Variants in CAPN5 observed in about 807,000 individuals in gnomAD.
The protein encoded by CAPN5 is calpain-5.
A neutral mutation model predicts 73.0 loss-of-function variants in CAPN5; 54 were observed. That is an observed-to-expected ratio of 0.74 (90% CI 0.59 to 0.93). The LOEUF (loss-of-function observed/expected upper bound fraction) is 0.93, where lower values mean the gene tolerates loss of function less well. Among genes scored for constraint, CAPN5 ranks in the 40% least tolerant of loss-of-function variants. The pLI is 0.00. For missense variants in CAPN5, 785 were observed against 882.9 expected (o/e 0.89, Z 1.41); for synonymous variants, 335 against 356.9 (o/e 0.94, Z 0.69).
intron 1 of CAPN5, among the ~76,000 whole-genome samples, chr11:77,073,981 C>T (rs1192067964): frequency 3.9e-5 from 6 of 152,172 alleles, no homozygotes; most frequent in African/African-American, 9.7e-5. Context: ...CCTCAGCACA[C>T]AGTGCGTCAG....
chr11:77,093,550 C>T (rs1591124157), intron 2 of CAPN5, 132 bp from the exon 3 acceptor site: 1 of 1,366,614 alleles, frequency 7.3e-7, no homozygotes. Flanking sequence ...TGGTGGGAGG[C>T]AGGTGAATCA....
At chr11:77,087,873 C>T in intron 2 of CAPN5, 1 of 1,532,862 alleles carries the variant, frequency 6.5e-7, no homozygotes, top group Non-Finnish European at 8.7e-7. Context: ...CTCTTGGGTG[C>T]CGACCTGGGC....
chr11:77,082,563 G>T (rs1555034787), intron 1 of CAPN5, among the ~76,000 whole-genome samples: 2 of 152,090 alleles, frequency 1.3e-5, no homozygotes, highest in African/African-American at 4.8e-5. Flanking sequence ...CTGTGCAAGG[G>T]CCGGGGCCAG....
chr11:77,086,995 C>T (rs372068953), intron 2 of CAPN5, among the ~76,000 whole-genome samples: 94 of 152,302 alleles, frequency 6.2e-4, no homozygotes, highest in African/African-American at 2.1e-3. Context: ...CACTTGGTGC[C>T]CTGCCCTTTC....
At chr11:77,094,143 C>T (rs1950184509) in intron 3 of CAPN5, among the ~76,000 whole-genome samples, 1 of 152,230 alleles carries the variant, frequency 6.6e-6, no homozygotes, top group Non-Finnish European at 1.5e-5. Context: ...TGTGCAGACA[C>T]CACTGATGGG....
intron 1 of CAPN5, among the ~76,000 whole-genome samples, chr11:77,075,078 T>A (rs1342592930): frequency 6.6e-6 from 1 of 152,148 alleles, no homozygotes; most frequent in African/African-American, 2.4e-5. Flanking sequence ...ACCAAGTCCC[T>A]CCGCTGCTCA....
At chr11:77,071,281 C>T (rs1949903693) in intron 1 of CAPN5, among the ~76,000 whole-genome samples, 1 of 152,238 alleles carries the variant, frequency 6.6e-6, no homozygotes, top group Non-Finnish European at 1.5e-5. Context: ...GCAGCCTGAG[C>T]CCCTGGTAGC....
rs782166327 is a variant in CAPN5, at chr11:77,112,707, G to A, written c.416G>A (p.Arg139Gln). Reference protein sequence around the residue: ...GEWVDVVIDDRLPTVNNQLIY... With the variant: ...GEWVDVVIDDQLPTVNNQLIY... Reference sequence around the variant, plus strand: ...TGGGTGGACGTGGTCATCGATGACCGGCTGCCCACAGTCAACAACCAGCTC... The same window carrying A: ...TGGGTGGACGTGGTCATCGATGACCAGCTGCCCACAGTCAACAACCAGCTC... Residue 139 changes from arginine (R) to glutamine (Q), a missense_variant, in exon 4 of 13, where the codon CGG becomes CAG. By Grantham distance (43) the Arg-to-Gln change is conservative. Transcript: ENST00000648180. 1.4e-5 allele frequency: 22 copies of A among 1,614,224 alleles called. No homozygotes were observed. Among genetic ancestry groups the A allele is most frequent in the East Asian group, 8.9e-5 (4 of 44,886 alleles).
intron 3 of CAPN5, among the ~76,000 whole-genome samples, chr11:77,099,502 C>T (rs1555038314): frequency 6.6e-6 from 1 of 150,644 alleles, no homozygotes; most frequent in African/African-American, 2.4e-5. Context: ...CCAAGGCTGG[C>T]GGATCACTCG....
At position 77,067,047 on chromosome 11, in the gene CAPN5, C is replaced by G. The variant is rs1949848836; in HGVS notation, c.-83C>G. On this transcript the variant is annotated 5_prime_UTR_variant, in exon 1 of 13. Transcript: ENST00000648180. ...GCAGCCTCCGCTCCAGCGCCCGCGC[C>G]GTGCCCTGCATCCCGGGAGCCCGGC... is the stretch of plus-strand genomic sequence containing the variant. 1 of 152,236 alleles carries G rather than the reference C, an allele frequency of 6.6e-6. No individual in the cohort carries two copies. 9.4% of individuals were successfully genotyped at this position (152,236 alleles called of 1,614,324 possible).
At position 77,093,832 on chromosome 11, in the gene CAPN5, T is replaced by C. The variant is rs782339325; in HGVS notation, c.297+19T>C. ...GCAAAAGGTGAGGCCTCGGGCAGAG[T>C]GGGCAGGGTGCTGGGGAGTGTGAAC... is the stretch of plus-strand genomic sequence containing the variant. On this transcript the variant is annotated intron_variant, in intron 3 of 12. Transcript: ENST00000648180. 2 of 1,606,360 alleles carry C rather than the reference T, an allele frequency of 1.2e-6. No individual in the cohort carries two copies. Among genetic ancestry groups the C allele is most frequent in the East Asian group, 2.2e-5 (1 of 44,856 alleles).
chr11:77,112,807 AGCAGCAGGCAGGTGG>A lies in CAPN5; in HGVS notation c.506+12_506+26del. 6.2e-7 allele frequency: 1 copy of A among 1,613,746 alleles called. No individual in the cohort carries two copies. The highest frequency in any genetic ancestry group is 8.5e-7 in the Non-Finnish European group (1 of 1,179,750). On this transcript the variant is annotated intron_variant, in intron 4 of 12. Coordinates refer to ENST00000648180, the MANE Select transcript of CAPN5 (RefSeq NM_004055.5). ...AGAAGGCCTATGCCAAGTAGGTGCC[AGCAGCAGGCAGGTGG>A]GTGGGAGGCCCAGACGGGGGTGGCA...
intron 3 of CAPN5, chr11:77,102,988 A>G (rs1591133846): frequency 6.2e-7 from 1 of 1,613,400 alleles, no homozygotes; most frequent in Non-Finnish European, 8.5e-7. Flanking sequence ...CAGCCAGCGG[A>G]GTCTGTGTAC....
chr11:77,100,769 C>G (rs372371057), intron 3 of CAPN5, among the ~76,000 whole-genome samples: 17 of 152,184 alleles, frequency 1.1e-4, no homozygotes, highest in African/African-American at 3.9e-4. Context: ...CCATTCTACC[C>G]CAAGAACTGC....
At chr11:77,071,665 C>G in intron 1 of CAPN5, 1 of 453,668 alleles carries the variant, frequency 2.2e-6, no homozygotes, top group Non-Finnish European at 4.5e-6. Context: ...TGGCCTCAGT[C>G]TCCCCATCTG....
intron 3 of CAPN5, among the ~76,000 whole-genome samples, chr11:77,094,720 A>T (rs1234832908): frequency 6.6e-6 from 1 of 152,164 alleles, no homozygotes; most frequent in African/African-American, 2.4e-5. Flanking sequence ...CAGGTTACTC[A>T]TCAGCAAAAT....
rs142466512 is a variant in CAPN5 at position 77,071,864 on chromosome 11, G to C, written c.-36+4770G>C. Reference sequence around the variant, plus strand: ...GAGACATGGTCTGCCATTGCAGGAGGGGGTAAGCCCTCTGGCGCCTCAGGA... The same window carrying C: ...GAGACATGGTCTGCCATTGCAGGAGCGGGTAAGCCCTCTGGCGCCTCAGGA... On this transcript the variant is annotated intron_variant, in intron 1 of 12. Coordinates refer to ENST00000648180, the MANE Select transcript of CAPN5 (RefSeq NM_004055.5). 3.0e-4 allele frequency among the ~76,000 whole-genome samples: 46 copies of C among 152,298 alleles called. No homozygotes were observed. The East Asian group carries it at 7.3e-3, about 24-fold the overall frequency.
At chr11:77,114,522 G>A in intron 5 of CAPN5, 88 bp downstream of exon 5, 1 of 1,243,214 alleles carries the variant, frequency 8.0e-7, no homozygotes, top group Non-Finnish European at 1.2e-6. Context: ...CCACGCTCAG[G>A]TCAGCTCCTA....
intron 1 of CAPN5, among the ~76,000 whole-genome samples, chr11:77,079,497 T>G (rs1950007559): frequency 6.6e-6 from 1 of 151,878 alleles, no homozygotes. Flanking sequence ...TACTATTCTA[T>G]TATATGAATA....
Sources: allele counts gnomAD v4.1 joint callset (sites outside exome capture counted in the v4.1 genomes callset), GRCh38; gene constraint gnomAD v4.1.1; transcripts MANE v1.5; gene names NCBI Gene and HGNC (gene_info 2026-07-23, HGNC 2026-07-21).